HHIP: variants seen among roughly 807,000 people sequenced by gnomAD.
HHIP encodes hedgehog interacting protein.
A neutral mutation model predicts 74.0 loss-of-function variants in HHIP; 12 were observed. The ratio of observed to expected loss-of-function variants is 0.16; its 90% confidence interval spans 0.10 to 0.26. The LOEUF (loss-of-function observed/expected upper bound fraction) is 0.26, where lower values mean the gene tolerates loss of function less well. Among genes scored for constraint, HHIP ranks in the 10% least tolerant of loss-of-function variants. HHIP has a pLI of 1.00. For missense variants in HHIP, 788 were observed against 845.0 expected (o/e 0.93, Z 0.84); for synonymous variants, 309 against 311.6 (o/e 0.99, Z 0.09).
chr4:144,705,532 T>C (rs1730110302), intron 4 of HHIP, among the ~76,000 whole-genome samples: 1 of 152,226 alleles, frequency 6.6e-6, no homozygotes, highest in Admixed American at 6.5e-5. Context: ...AAGTGCTTCC[T>C]GGCTTTACTA....
At chr4:144,696,431 A>G (rs1729820268) in intron 4 of HHIP, among the ~76,000 whole-genome samples, 1 of 151,984 alleles carries the variant, frequency 6.6e-6, no homozygotes, top group Non-Finnish European at 1.5e-5. Flanking sequence ...TATGAGTTAA[A>G]GTAACTGAGG....
chr4:144,650,195 G>A (rs1728379194), intron 1 of HHIP, among the ~76,000 whole-genome samples: 1 of 152,032 alleles, frequency 6.6e-6, no homozygotes, highest in Non-Finnish European at 1.5e-5. Context: ...ATAGTTGGAG[G>A]CCACACTTTA....
intron 11 of HHIP, among the ~76,000 whole-genome samples, chr4:144,734,162 T>C (rs1323589282): frequency 6.6e-6 from 1 of 151,696 alleles, no homozygotes; most frequent in Non-Finnish European, 1.5e-5. Context: ...ACATATATTA[T>C]GGTCACCTTT....
Position 144,708,063 on chromosome 4 carries a change from C to CT in HHIP, c.1158-104dup, listed in dbSNP as rs1730194704. 4 of 1,211,090 alleles carry CT rather than the reference C, an allele frequency of 3.3e-6. No individual in the cohort carries two copies. The East Asian group carries it at 9.8e-5, about 30-fold the overall frequency. 75.0% of individuals were successfully genotyped at this position (1,211,090 alleles called of 1,614,324 possible). Reference sequence around the variant, plus strand: ...CAGCCACTTTAATATTTTATTTCAACTAAGGGGATGATTTTTTCATCAATA... The same window carrying CT: ...CAGCCACTTTAATATTTTATTTCAACTTAAGGGGATGATTTTTTCATCAATA... On this transcript the variant is annotated intron_variant, in intron 6 of 12. Coordinates refer to ENST00000296575, the MANE Select transcript of HHIP (RefSeq NM_022475.3).
intron 4 of HHIP, among the ~76,000 whole-genome samples, chr4:144,680,295 A>G (rs753148714): frequency 4.6e-5 from 7 of 152,146 alleles, no homozygotes; most frequent in Non-Finnish European, 8.8e-5. Context: ...AGCAATGTTT[A>G]ATTTACTTAT....
rs1000498289 is a variant in HHIP, at chr4:144,740,635, G to A, written c.*2678G>A. On this transcript the variant is annotated 3_prime_UTR_variant, in exon 13 of 13. Coordinates refer to ENST00000296575, the MANE Select transcript of HHIP (RefSeq NM_022475.3). The stretch of plus-strand genomic sequence containing the variant: ...AGTAGATTTTTTTAAATGCATGACT[G>A]GAGAATTATCTTCAATGATTCATGA... 1 of 152,060 alleles carries A rather than the reference G, an allele frequency of 6.6e-6. No individual in the cohort carries two copies. Among genetic ancestry groups the A allele is most frequent in the Non-Finnish European group, 1.5e-5 (1 of 68,002 alleles). 9.4% of individuals were successfully genotyped at this position (152,060 alleles called of 1,614,324 possible).
intron 4 of HHIP, among the ~76,000 whole-genome samples, chr4:144,696,296 C>A (rs191009930): frequency 6.6e-6 from 1 of 151,700 alleles, no homozygotes; most frequent in East Asian, 1.9e-4. Flanking sequence ...CCCAAACAGG[C>A]CATTTACTGG....
Position 144,646,605 on chromosome 4 carries a change from T to C in HHIP, c.-71T>C. On this transcript the variant is annotated 5_prime_UTR_variant, in exon 1 of 13. Transcript: ENST00000296575. ...GCAAACTCCTCCTGGAGCTGCGCCC[T>C]AGTGCCCCTGCTGGGCAGTGGCGTT... is the stretch of plus-strand genomic sequence containing the variant. The C allele has an allele frequency of 6.6e-7, 1 of 1,504,574 alleles. No individual in the cohort carries two copies. Among genetic ancestry groups the C allele is most frequent in the South Asian group, 1.3e-5 (1 of 78,976 alleles). The allele number at this position is 1,504,574 out of a possible 1,614,324, so 93.2% of individuals were successfully genotyped here.
chr4:144,666,981 G>A (rs1248458618), intron 4 of HHIP, among the ~76,000 whole-genome samples: 1 of 152,182 alleles, frequency 6.6e-6, no homozygotes, highest in Non-Finnish European at 1.5e-5. Context: ...AACATAAAAA[G>A]GAGGGGAAGA....
rs529468440 is a variant in HHIP, at chr4:144,743,738, A to G, written c.*5781A>G. ...ACATTTAAGTACATAATATAAAAAG[A>G]ACTGAACATTAACAGTAATGGGAAA... On this transcript the variant is annotated 3_prime_UTR_variant, in exon 13 of 13. Coordinates refer to ENST00000296575, the MANE Select transcript of HHIP (RefSeq NM_022475.3). 1 of 152,142 alleles carries G rather than the reference A, an allele frequency of 6.6e-6. No homozygotes were observed. The highest frequency in any genetic ancestry group is 6.6e-5 in the Admixed American group (1 of 15,262). 9.4% of individuals were successfully genotyped at this position (152,142 alleles called of 1,614,324 possible). A position where few individuals can be genotyped will look rare whatever the true frequency, so the allele number is the denominator to read the frequency against.
At chr4:144,653,503 A>C (rs984731525) in intron 2 of HHIP, among the ~76,000 whole-genome samples, 5 of 152,130 alleles carry the variant, frequency 3.3e-5, no homozygotes, top group African/African-American at 1.2e-4. Context: ...TTATATATTC[A>C]TTGATTAATT....
At chr4:144,678,549 AT>A (rs1729235714) in intron 4 of HHIP, among the ~76,000 whole-genome samples, 1 of 151,242 alleles carries the variant, frequency 6.6e-6, no homozygotes, top group African/African-American at 2.4e-5. Context: ...CTAGCCCCCC[AT>A]CCCCCTGACA....
In HHIP at chr4:144,658,754, AG is replaced by A. The variant is rs1204326519; in HGVS notation, c.473-34del. 3 of 1,564,836 alleles carry A rather than the reference AG, an allele frequency of 1.9e-6. No individual in the cohort carries two copies. In the Admixed American group the frequency reaches 5.3e-5, roughly 28 times the overall value. On this transcript the variant is annotated intron_variant, in intron 2 of 12. Transcript: ENST00000296575. The stretch of plus-strand genomic sequence containing the variant: ...AATAAGGTGGTTTTACTATGACATT[AG>A]GTGCTTCTAATGAGTCTTTTTATAT...
intron 7 of HHIP, among the ~76,000 whole-genome samples, chr4:144,711,653 T>C (rs1260602697): frequency 1.3e-5 from 2 of 152,240 alleles, no homozygotes; most frequent in Non-Finnish European, 2.9e-5. Context: ...CAGTGTATTA[T>C]ACATGTGATA....
chr4:144,707,019 T>A lies in HHIP; in HGVS notation c.984-68T>A, dbSNP rs1730166917. Reference sequence around the variant, plus strand: ...AGTTTGTTTTTTCATTTATATACTATTCACTTTCTGATGGACTCATCTTAA... The same window carrying A: ...AGTTTGTTTTTTCATTTATATACTAATCACTTTCTGATGGACTCATCTTAA... On this transcript the variant is annotated intron_variant, in intron 5 of 12. Transcript: ENST00000296575. 4.5e-6 allele frequency: 6 copies of A among 1,330,180 alleles called. No homozygotes were observed. The Admixed American group carries it at 6.8e-5, about 15-fold the overall frequency. 82.4% of individuals were successfully genotyped at this position (1,330,180 alleles called of 1,614,324 possible). A position where few individuals can be genotyped will look rare whatever the true frequency, so the allele number is the denominator to read the frequency against.
At chr4:144,702,628 G>A (rs918459821) in intron 4 of HHIP, among the ~76,000 whole-genome samples, 1 of 152,086 alleles carries the variant, frequency 6.6e-6, no homozygotes, top group Non-Finnish European at 1.5e-5. Flanking sequence ...GGGGAAGAGG[G>A]GGTCTTGTGG....
intron 10 of HHIP, among the ~76,000 whole-genome samples, chr4:144,716,024 A>G (rs1730436716): frequency 6.6e-6 from 1 of 152,218 alleles, no homozygotes; most frequent in Non-Finnish European, 1.5e-5. Context: ...ATGCAGCTTA[A>G]AAAGCAAAAA....
Position 144,659,677 on chromosome 4 carries a change from A to C in HHIP, c.670A>C (p.Ser224Arg). 1.3e-6 allele frequency: 2 copies of C among 1,556,004 alleles called. No individual in the cohort carries two copies. The highest frequency in any genetic ancestry group is 1.7e-6 in the Non-Finnish European group (2 of 1,156,790). ...HNCFCIQEVV[S>R]GLRQPVGALH... Reference sequence around the variant, plus strand: ...CTGCTTCTGTATTCAGGAGGTTGTGAGTGGGCTGCGGCAGCCCGTTGGTGC... The same window carrying C: ...CTGCTTCTGTATTCAGGAGGTTGTGCGTGGGCTGCGGCAGCCCGTTGGTGC... The change falls in exon 4 of 13, where the codon AGT becomes CGT. Residue 224 changes from serine (S) to arginine (R), a missense_variant. Around this residue, in one of 3 missense-constraint regions of HHIP, gnomAD observed 373 missense variants for 366.4 expected, o/e 1.02. Coordinates refer to ENST00000296575, the MANE Select transcript of HHIP (RefSeq NM_022475.3).
chr4:144,661,504 T>C (rs1256697575), intron 4 of HHIP: 1 of 152,192 alleles, frequency 6.6e-6, no homozygotes, highest in Admixed American at 6.5e-5. Flanking sequence ...GTCCACGAGA[T>C]AGGAATATAT....
Sources: allele counts gnomAD v4.1 joint callset (sites outside exome capture counted in the v4.1 genomes callset), GRCh38; gene constraint gnomAD v4.1.1; regional missense constraint gnomAD v4.1.1; transcripts MANE v1.5; gene names NCBI Gene and HGNC (gene_info 2026-07-23, HGNC 2026-07-21).